PRDM16: variants seen among roughly 807,000 people sequenced by gnomAD.
PRDM16 encodes the protein histone-lysine N-methyltransferase PRDM16.
In PRDM16, 23 loss-of-function variants were observed where a neutral mutation model predicts 110.6. The ratio of observed to expected loss-of-function variants is 0.21; its 90% CI spans 0.15 to 0.29. The LOEUF (loss-of-function observed/expected upper bound fraction) is 0.29, where lower values mean the gene tolerates loss of function less well. Ranked by LOEUF, PRDM16 falls within the 10% of genes least tolerant of loss-of-function variation. The pLI, the probability that PRDM16 is intolerant of heterozygous loss-of-function variation, is 1.00. For synonymous variants in PRDM16, 799 were observed against 781.8 expected (o/e 1.02, Z -0.37); for missense variants, 1,615 against 1,794.3 (o/e 0.90, Z 1.81).
At chr1:3,363,856 G>C (rs753139822) in intron 3 of PRDM16, among the ~76,000 whole-genome samples, 10 of 152,114 alleles carry the variant, frequency 6.6e-5, no homozygotes, top group Non-Finnish European at 1.2e-4. Flanking sequence ...ATCACAACAC[G>C]GGCCCGCTGC....
chr1:3,261,066 C>T (rs895037892), intron 3 of PRDM16, among the ~76,000 whole-genome samples: 15 of 148,630 alleles, frequency 1.0e-4, no homozygotes, highest in African/African-American at 3.5e-4. Context: ...GGGAGGACCC[C>T]GGGAGATAAG....
chr1:3,224,445 C>G (rs957977422), intron 2 of PRDM16, among the ~76,000 whole-genome samples: 2 of 152,114 alleles, frequency 1.3e-5, no homozygotes, highest in African/African-American at 4.8e-5. Flanking sequence ...AATTGCCACT[C>G]TCTCTCCCTC....
intron 1 of PRDM16, among the ~76,000 whole-genome samples, chr1:3,104,838 T>A (rs1314027264): frequency 6.6e-6 from 1 of 152,166 alleles, no homozygotes; most frequent in Non-Finnish European, 1.5e-5. Context: ...TCCCAGCTCC[T>A]GGCAGCATCT....
At chr1:3,232,087 C>T (rs919076514) in intron 2 of PRDM16, among the ~76,000 whole-genome samples, 16 of 152,356 alleles carry the variant, frequency 1.1e-4, no homozygotes, top group Non-Finnish European at 1.6e-4. Context: ...CAGCTGCGAC[C>T]GACACCCAGG....
rs1457294253 is a variant in PRDM16, at chr1:3,108,434, G to A, written c.37+39138G>A. Among the ~76,000 whole-genome samples, 5 of 152,212 alleles carry A rather than the reference G, an allele frequency of 3.3e-5. No individual in the cohort carries two copies. In the East Asian group the frequency reaches 9.6e-4, roughly 29 times the overall value. On this transcript the variant is annotated intron_variant, in intron 1 of 16. Transcript: ENST00000270722. ...CCTCTGGGATTTAAAATGTTACCAA[G>A]TAACCTGCAAAATCACCTCTGTGAC...
intron 1 of PRDM16, among the ~76,000 whole-genome samples, chr1:3,105,272 C>A (rs1642627450): frequency 6.6e-6 from 1 of 152,186 alleles, no homozygotes; most frequent in African/African-American, 2.4e-5. Context: ...CTTGAGGGCC[C>A]AGCCCGGCCT....
chr1:3,184,796 A>G (rs1644249481), intron 1 of PRDM16, among the ~76,000 whole-genome samples: 1 of 152,074 alleles, frequency 6.6e-6, no homozygotes, highest in South Asian at 2.1e-4. Context: ...AAATGCCGCC[A>G]AGCAGGTGTG....
In PRDM16 at chr1:3,433,770, A is replaced by G. The variant is rs772246949; in HGVS notation, c.3790A>G (p.Thr1264Ala). ...CGCTTGGTTGAAGGTCACTGGAGCC[A>G]CGTCGGAGTCTGGAGCATTTCACCC... ...LDAWLKVTGA[T>A]SESGAFHPIN... The change falls in exon 17 of 17, where the codon ACG becomes GCG. Residue 1264 changes from threonine (T) to alanine (A), a missense_variant. By Grantham distance (58) the Thr-to-Ala change is moderately conservative. Around this residue, in one of 5 missense-constraint regions of PRDM16, gnomAD observed 327 missense variants for 359.3 expected, o/e 0.91. Transcript: ENST00000270722. The G allele has an allele frequency of 3.1e-6, 5 of 1,613,758 alleles. No homozygotes were observed. Among genetic ancestry groups the G allele is most frequent in the Non-Finnish European group, 3.4e-6 (4 of 1,179,924 alleles).
chr1:3,431,043 CTACGAGGAT>C lies in PRDM16; in HGVS notation c.3457_3465del (p.Tyr1153_Asp1155del). Reference sequence around the variant, plus strand: ...CCCCCGCACCCGAGCCCCAGGCCGCCTACGAGGATGAGGAGGATGAGGAGCCAGCCGCCT... The same window carrying C: ...CCCCCGCACCCGAGCCCCAGGCCGCCGAGGAGGATGAGGAGCCAGCCGCCT... On this transcript the variant is annotated inframe_deletion, in exon 15 of 17. Transcript: ENST00000270722. The C allele has an allele frequency of 1.3e-6, 2 of 1,561,930 alleles. No homozygotes were observed. The highest frequency in any genetic ancestry group is 1.2e-5 in the South Asian group (1 of 85,380).
chr1:3,345,760 C>T (rs7416919), intron 3 of PRDM16, among the ~76,000 whole-genome samples: 80 of 74,296 alleles, frequency 1.1e-3, no homozygotes, highest in South Asian at 6.6e-3. Context: ...GGCCACCCCT[C>T]GGGTCCTCCC....
intron 2 of PRDM16, among the ~76,000 whole-genome samples, chr1:3,231,859 C>T (rs879880952): frequency 1.3e-4 from 20 of 152,366 alleles, no homozygotes; most frequent in Non-Finnish European, 2.8e-4. Context: ...AACTCCGCCC[C>T]AAGAGAGTAA....
intron 1 of PRDM16, 22 bp from the exon 2 acceptor site, chr1:3,186,103 G>C: frequency 6.3e-7 from 1 of 1,591,160 alleles, no homozygotes; most frequent in Non-Finnish European, 8.6e-7. Flanking sequence ...TGCAGAGGTT[G>C]ACGCTGCGTT....
chr1:3,376,770 CT>C (rs1260406036), intron 3 of PRDM16, among the ~76,000 whole-genome samples: 2 of 151,848 alleles, frequency 1.3e-5, no homozygotes, highest in Non-Finnish European at 2.9e-5. Flanking sequence ...GTTTCCTCTC[CT>C]CCCACCTCCC....
At chr1:3,432,218 G>A (rs193274263) in intron 16 of PRDM16, 78 bp downstream of exon 16, 27 of 1,368,894 alleles carry the variant, frequency 2.0e-5, no homozygotes, top group East Asian at 1.6e-4. Flanking sequence ...CTCTCCCGCC[G>A]TGGCCCTCCT....
chr1:3,300,537 A>C (rs1297037722), intron 3 of PRDM16, among the ~76,000 whole-genome samples: 1 of 152,104 alleles, frequency 6.6e-6, no homozygotes, highest in Non-Finnish European at 1.5e-5. Flanking sequence ...TTCCGATCCC[A>C]GTCATGGTTT....
chr1:3,107,478 T>C (rs1642684550), intron 1 of PRDM16, among the ~76,000 whole-genome samples: 1 of 152,176 alleles, frequency 6.6e-6, no homozygotes, highest in Admixed American at 6.5e-5. Context: ...CTAATGTAAA[T>C]AGAGCAATCC....
intron 16 of PRDM16, 82 bp downstream of exon 16, chr1:3,432,222 C>A: frequency 7.8e-7 from 1 of 1,289,028 alleles, no homozygotes; most frequent in Non-Finnish European, 1.1e-6. Flanking sequence ...CCCGCCGTGG[C>A]CCTCCTAGGC....
intron 1 of PRDM16, among the ~76,000 whole-genome samples, chr1:3,123,402 G>A (rs767772726): frequency 9.2e-5 from 14 of 152,242 alleles, no homozygotes; most frequent in Non-Finnish European, 1.6e-4. Context: ...AGGGGGGTGT[G>A]GGTGGCTGAG....
chr1:3,118,203 GCA>G (rs1643012560), intron 1 of PRDM16, among the ~76,000 whole-genome samples: 2 of 150,966 alleles, frequency 1.3e-5, no homozygotes, highest in Non-Finnish European at 3.0e-5. Flanking sequence ...ATGTACACAC[GCA>G]CACACGCACA....
Sources: gnomAD v4.1 joint callset for allele counts (sites outside exome capture counted in the v4.1 genomes callset) on GRCh38, gnomAD v4.1.1 for gene constraint, gnomAD v4.1.1 regional missense constraint, MANE v1.5 for transcripts, NCBI Gene and HGNC (gene_info 2026-07-23, HGNC 2026-07-21) for gene names.